MLF2: variants seen among roughly 807,000 people sequenced by gnomAD.
MLF2 encodes myelodysplasia-myeloid leukemia factor 2.
In MLF2, 12 loss-of-function variants were observed where a neutral mutation model predicts 31.4. The observed-to-expected ratio is 0.38, with a 90% CI of 0.24 to 0.62. The LOEUF is 0.62. Among genes scored for constraint, MLF2 ranks in the 20% least tolerant of loss-of-function variants. The pLI is 0.58. For synonymous variants in MLF2, 109 were observed against 118.8 expected (o/e 0.92, Z 0.54); for missense variants, 272 against 359.7 (o/e 0.76, Z 1.97).
rs1200308024 is a variant in MLF2, at chr12:6,752,268, G to C, written c.50+17C>G. On this transcript the variant is annotated intron_variant, in intron 2 of 8. Transcript: ENST00000203630. The surrounding 1 kb of genome is among the most constrained non-coding windows in gnomAD (Gnocchi z 4.6). ...GAGACCTGGAGTGGGAGAGCTTGAG[G>C]GGGAGGGAATACTCACATCAGGAAC... is the stretch of plus-strand genomic sequence containing the variant. The C allele has an allele frequency of 2.6e-6, 4 of 1,559,152 alleles. No individual in the cohort carries two copies. In the Admixed American group the frequency reaches 5.8e-5, roughly 23 times the overall value.
rs1330494713 is a variant in MLF2 at position 6,752,083 on chromosome 12, C to G, written c.51-29G>C. 6 of 1,613,428 alleles carry G rather than the reference C, an allele frequency of 3.7e-6. No individual in the cohort carries two copies. The highest frequency in any genetic ancestry group is 5.1e-6 in the Non-Finnish European group (6 of 1,179,520). ...TGGAGTGAGCACATAGTATGGATGG[C>G]AGAAGCGCCAAACTGTCAATCCCTC... On this transcript the variant is annotated intron_variant, in intron 2 of 8. Coordinates refer to ENST00000203630, the MANE Select transcript of MLF2 (RefSeq NM_001382226.1). The surrounding 1 kb of genome is among the most constrained non-coding windows in gnomAD (Gnocchi z 4.6).
At position 6,753,027 on chromosome 12, in the gene MLF2, A is replaced by C; in HGVS notation, c.-117T>G. 4 of 353,200 alleles carry C rather than the reference A, an allele frequency of 1.1e-5. No individual in the cohort carries two copies. The highest frequency in any genetic ancestry group is 1.5e-4 in the South Asian group (1 of 6,610). The allele number at this position is 353,200 out of a possible 1,614,324, so 21.9% of individuals were successfully genotyped here. A position where few individuals can be genotyped will look rare whatever the true frequency, so the allele number is the denominator to read the frequency against. On this transcript the variant is annotated 5_prime_UTR_variant, in exon 1 of 9. Transcript: ENST00000203630. The stretch of plus-strand genomic sequence containing the variant: ...CAGGGTCGCGGCCCGGAACGTGGGG[A>C]TTGGTCCGGGCTTGAGCTCCTCGGC...
rs111848416 is a variant in MLF2, at chr12:6,752,124, A to G, written c.51-70T>C. 7.5e-6 allele frequency: 12 copies of G among 1,605,080 alleles called. No homozygotes were observed. The African/African-American group carries it at 9.4e-5, about 13-fold the overall frequency. ...TCAATCCCTCCACCACCCTGCAAAA[A>G]AATACGCACAGAGCAACAGTGGCAC... is the stretch of plus-strand genomic sequence containing the variant. On this transcript the variant is annotated intron_variant, in intron 2 of 8. Transcript: ENST00000203630. The surrounding 1 kb of genome is among the most constrained non-coding windows in gnomAD (Gnocchi z 4.6).
In MLF2 at chr12:6,750,416, G is replaced by T; in HGVS notation, c.271-111C>A. On this transcript the variant is annotated intron_variant, in intron 5 of 8. Coordinates refer to ENST00000203630, the MANE Select transcript of MLF2 (RefSeq NM_001382226.1). This position sits in a 1 kb window ranked among gnomAD's most constrained non-coding sequence, Gnocchi z 5.3. ...CCTGTATCTTTCTCACAAAATGCAA[G>T]AACTGAAAAAACATCAGGCCTCATC... is the stretch of plus-strand genomic sequence containing the variant. 1 of 1,409,376 alleles carries T rather than the reference G, an allele frequency of 7.1e-7. No homozygotes were observed. Among genetic ancestry groups the T allele is most frequent in the South Asian group, 1.4e-5 (1 of 73,222 alleles). 87.3% of individuals were successfully genotyped at this position (1,409,376 alleles called of 1,614,324 possible). A position where few individuals can be genotyped will look rare whatever the true frequency, so the allele number is the denominator to read the frequency against.
chr12:6,752,365 G>A lies in MLF2; in HGVS notation c.-28-3C>T. 1 of 1,552,380 alleles carries A rather than the reference G, an allele frequency of 6.4e-7. No individual in the cohort carries two copies. The highest frequency in any genetic ancestry group is 1.2e-5 in the South Asian group (1 of 84,172). ...TCTCAGCTCCAGGGGGCTCCACACT[G>A]GAAAGATATGGAAGCTCAGATACTT... On this transcript the variant is annotated splice_region_variant and splice_polypyrimidine_tract_variant and intron_variant, in intron 1 of 8. Coordinates refer to ENST00000203630, the MANE Select transcript of MLF2 (RefSeq NM_001382226.1). The surrounding 1 kb of genome is among the most constrained non-coding windows in gnomAD (Gnocchi z 4.6).
chr12:6,749,297 C>G lies in MLF2; in HGVS notation c.560-315G>C, dbSNP rs1421375913. Reference sequence around the variant, plus strand: ...ATAAAGAGGGGAGAAAGAAACGGATCAAGGTGGAGAAGGGTGTAACACTAT... The same window carrying G: ...ATAAAGAGGGGAGAAAGAAACGGATGAAGGTGGAGAAGGGTGTAACACTAT... On this transcript the variant is annotated intron_variant, in intron 7 of 8. Transcript: ENST00000203630. The surrounding 1 kb of genome is among the most constrained non-coding windows in gnomAD (Gnocchi z 5.3). 6.7e-6 allele frequency among the ~76,000 whole-genome samples: 1 copy of G among 149,280 alleles called. No homozygotes were observed. Among genetic ancestry groups the G allele is most frequent in the Non-Finnish European group, 1.5e-5 (1 of 66,818 alleles).
chr12:6,752,041 T>G lies in MLF2; in HGVS notation c.64A>C (p.Ile22Leu). The G allele has an allele frequency of 6.2e-7, 1 of 1,614,028 alleles. No homozygotes were observed. ...DPMFLMDPFA[I>L]HRQHMSRMLS... is the part of the protein sequence containing the mutation. ...ATACGGCTCATATGCTGACGGTGAA[T>G]AGCAAAGGGATCCCTGTGGAGTGAG... is the stretch of plus-strand genomic sequence containing the variant. The change falls in exon 3 of 9, where the codon ATT becomes CTT. Residue 22 changes from isoleucine to leucine, a missense_variant. Coordinates refer to ENST00000203630, the MANE Select transcript of MLF2 (RefSeq NM_001382226.1). The surrounding 1 kb of genome is among the most constrained non-coding windows in gnomAD (Gnocchi z 4.6).
intron 4 of MLF2, chr12:6,751,014 T>A (rs750400562): frequency 3.0e-4 from 145 of 485,746 alleles, no homozygotes; most frequent in Non-Finnish European, 4.7e-4. Context: ...GCTTGCTATA[T>A]TCCCCCCATC....
chr12:6,750,585 G>A lies in MLF2; in HGVS notation c.270+128C>T, dbSNP rs937335870. 17 of 1,163,756 alleles carry A rather than the reference G, an allele frequency of 1.5e-5. No individual in the cohort carries two copies. In the African/African-American group the frequency reaches 2.4e-4, roughly 17 times the overall value. The allele number at this position is 1,163,756 out of a possible 1,614,324, so 72.1% of individuals were successfully genotyped here. ...CAGGTACAGGGTCCCAAGGCTCTCT[G>A]GTTCAATTACTTTATCCAGTACTTT... On this transcript the variant is annotated intron_variant, in intron 5 of 8. Coordinates refer to ENST00000203630, the MANE Select transcript of MLF2 (RefSeq NM_001382226.1). This position sits in a 1 kb window ranked among gnomAD's most constrained non-coding sequence, Gnocchi z 5.3.
Position 6,750,058 on chromosome 12 carries a change from C to A in MLF2, c.400-51G>T, listed in dbSNP as rs765365465. 1 of 1,611,976 alleles carries A rather than the reference C, an allele frequency of 6.2e-7. No individual in the cohort carries two copies. Among genetic ancestry groups the A allele is most frequent in the African/African-American group, 1.3e-5 (1 of 74,896 alleles). On this transcript the variant is annotated intron_variant, in intron 6 of 8. Transcript: ENST00000203630. This position sits in a 1 kb window ranked among gnomAD's most constrained non-coding sequence, Gnocchi z 5.3. Reference sequence around the variant, plus strand: ...CTCAGCCGCCCCTTCCAAAGCCCTGCCTATACCATCTCAGGATAAACACAC... The same window carrying A: ...CTCAGCCGCCCCTTCCAAAGCCCTGACTATACCATCTCAGGATAAACACAC...
Position 6,752,196 on chromosome 12 carries a change from C to T in MLF2, c.50+89G>A. 5 of 1,539,180 alleles carry T rather than the reference C, an allele frequency of 3.2e-6. No individual in the cohort carries two copies. The highest frequency in any genetic ancestry group is 4.4e-6 in the Non-Finnish European group (5 of 1,132,968). On this transcript the variant is annotated intron_variant, in intron 2 of 8. Transcript: ENST00000203630. This position sits in a 1 kb window ranked among gnomAD's most constrained non-coding sequence, Gnocchi z 4.6. ...TAGGAGCTAGGTATCCAGCCAGTTCCAACCATTCCTAGCAATGGGAACCCC... is the reference window on the plus strand; with the variant it reads ...TAGGAGCTAGGTATCCAGCCAGTTCTAACCATTCCTAGCAATGGGAACCCC...
In MLF2 at chr12:6,752,468, C is replaced by G; in HGVS notation, c.-28-106G>C. ...TGTCCTTTCCAAATCCTGTAACTGA[C>G]CCCCTAAACTCCAGGGAGACCCTAC... On this transcript the variant is annotated intron_variant, in intron 1 of 8. Transcript: ENST00000203630. The surrounding 1 kb of genome is among the most constrained non-coding windows in gnomAD (Gnocchi z 4.6). 1 of 898,694 alleles carries G rather than the reference C, an allele frequency of 1.1e-6. No individual in the cohort carries two copies. The highest frequency in any genetic ancestry group is 1.7e-6 in the Non-Finnish European group (1 of 586,738). 55.7% of individuals were successfully genotyped at this position (898,694 alleles called of 1,614,324 possible).
At position 6,749,680 on chromosome 12, in the gene MLF2, A is replaced by G. The variant is rs1226075101; in HGVS notation, c.559+168T>C. 4 of 913,404 alleles carry G rather than the reference A, an allele frequency of 4.4e-6. No homozygotes were observed. Among genetic ancestry groups the G allele is most frequent in the Non-Finnish European group, 6.6e-6 (4 of 608,882 alleles). 56.6% of individuals were successfully genotyped at this position (913,404 alleles called of 1,614,324 possible). On this transcript the variant is annotated intron_variant, in intron 7 of 8. Coordinates refer to ENST00000203630, the MANE Select transcript of MLF2 (RefSeq NM_001382226.1). The surrounding 1 kb of genome is among the most constrained non-coding windows in gnomAD (Gnocchi z 5.3). ...CAGTGAGCTGAGATCGCGCCACTGC[A>G]CTCCAGCCTGGGCACCTGGGCAACA...
At position 6,748,650 on chromosome 12, in the gene MLF2, T is replaced by A; in HGVS notation, c.*26-103A>T. Reference sequence around the variant, plus strand: ...TCCCCTATGTCAGTGAGAACATTGTTCTCTTTCCATGTCAACTTGTACTAC... The same window carrying A: ...TCCCCTATGTCAGTGAGAACATTGTACTCTTTCCATGTCAACTTGTACTAC... On this transcript the variant is annotated intron_variant, in intron 8 of 8. Coordinates refer to ENST00000203630, the MANE Select transcript of MLF2 (RefSeq NM_001382226.1). The surrounding 1 kb of genome is among the most constrained non-coding windows in gnomAD (Gnocchi z 4.6). The A allele has an allele frequency of 1.3e-6, 1 of 778,028 alleles. No individual in the cohort carries two copies. Among genetic ancestry groups the A allele is most frequent in the South Asian group, 2.2e-5 (1 of 45,670 alleles). The allele number at this position is 778,028 out of a possible 1,614,324, so 48.2% of individuals were successfully genotyped here. A position where few individuals can be genotyped will look rare whatever the true frequency, so the allele number is the denominator to read the frequency against.
Position 6,749,030 on chromosome 12 carries a change from G to A in MLF2, c.560-48C>T, listed in dbSNP as rs1941569943. 2 of 1,486,684 alleles carry A rather than the reference G, an allele frequency of 1.3e-6. No homozygotes were observed. Among genetic ancestry groups the A allele is most frequent in the South Asian group, 1.4e-5 (1 of 73,538 alleles). 92.1% of individuals were successfully genotyped at this position (1,486,684 alleles called of 1,614,324 possible). On this transcript the variant is annotated intron_variant, in intron 7 of 8. Transcript: ENST00000203630. This position sits in a 1 kb window ranked among gnomAD's most constrained non-coding sequence, Gnocchi z 5.3. ...GAGGCCTGTGTGCGGCCTGGCTCCTGGAGGCCGATGTGCGAGCGAGCCACA... is the reference window on the plus strand; with the variant it reads ...GAGGCCTGTGTGCGGCCTGGCTCCTAGAGGCCGATGTGCGAGCGAGCCACA...
rs141524549 is a variant in MLF2 at position 6,751,749 on chromosome 12, G to A, written c.181-73C>T. The A allele has an allele frequency of 1.4e-4, 226 of 1,591,206 alleles. No homozygotes were observed. In the African/African-American group the frequency reaches 1.9e-3, roughly 13 times the overall value. On this transcript the variant is annotated intron_variant, in intron 3 of 8. Coordinates refer to ENST00000203630, the MANE Select transcript of MLF2 (RefSeq NM_001382226.1). ...TTTACAATCCCAAACCAGGCCCATGGCCTCAATTTTTTTCCATCCTCTCAA... is the reference window on the plus strand; with the variant it reads ...TTTACAATCCCAAACCAGGCCCATGACCTCAATTTTTTTCCATCCTCTCAA...
chr12:6,749,808 G>C lies in MLF2; in HGVS notation c.559+40C>G. 3 of 1,611,648 alleles carry C rather than the reference G, an allele frequency of 1.9e-6. No homozygotes were observed. The highest frequency in any genetic ancestry group is 2.5e-6 in the Non-Finnish European group (3 of 1,178,874). On this transcript the variant is annotated intron_variant, in intron 7 of 8. Transcript: ENST00000203630. This position sits in a 1 kb window ranked among gnomAD's most constrained non-coding sequence, Gnocchi z 5.3. ...TGTTAGGGATGTCCACGGGAACCGGGTTAGGGGCTGCCAGCCAGGAAGCGG... is the reference window on the plus strand; with the variant it reads ...TGTTAGGGATGTCCACGGGAACCGGCTTAGGGGCTGCCAGCCAGGAAGCGG...
Position 6,750,636 on chromosome 12 carries a change from T to C in MLF2, c.270+77A>G. 1 of 1,477,504 alleles carries C rather than the reference T, an allele frequency of 6.8e-7. No homozygotes were observed. The highest frequency in any genetic ancestry group is 9.5e-7 in the Non-Finnish European group (1 of 1,058,002). The allele number at this position is 1,477,504 out of a possible 1,614,324, so 91.5% of individuals were successfully genotyped here. A position where few individuals can be genotyped will look rare whatever the true frequency, so the allele number is the denominator to read the frequency against. On this transcript the variant is annotated intron_variant, in intron 5 of 8. Transcript: ENST00000203630. This position sits in a 1 kb window ranked among gnomAD's most constrained non-coding sequence, Gnocchi z 5.3. Reference sequence around the variant, plus strand: ...ACCCTTCACTAGCATACTGTTTCCCTCTTGCCTTAGAGGATGCAAGGTGTT... The same window carrying C: ...ACCCTTCACTAGCATACTGTTTCCCCCTTGCCTTAGAGGATGCAAGGTGTT...
At position 6,752,237 on chromosome 12, in the gene MLF2, T is replaced by G; in HGVS notation, c.50+48A>C. On this transcript the variant is annotated intron_variant, in intron 2 of 8. Coordinates refer to ENST00000203630, the MANE Select transcript of MLF2 (RefSeq NM_001382226.1). The surrounding 1 kb of genome is among the most constrained non-coding windows in gnomAD (Gnocchi z 4.6). ...TGGGAACCCCGATGTCTGCCTGAAC[T>G]GCTCAGAGACCTGGAGTGGGAGAGC... 1 of 1,553,034 alleles carries G rather than the reference T, an allele frequency of 6.4e-7. No individual in the cohort carries two copies. The highest frequency in any genetic ancestry group is 1.2e-5 in the South Asian group (1 of 84,690).
Sources: gnomAD v4.1 joint callset for allele counts (sites outside exome capture counted in the v4.1 genomes callset) on GRCh38, gnomAD v4.1.1 for gene constraint, Gnocchi (gnomAD v3.1) non-coding constraint, MANE v1.5 for transcripts, NCBI Gene and HGNC (gene_info 2026-07-23, HGNC 2026-07-21) for gene names.